ZNF644: variants seen among roughly 807,000 people sequenced by gnomAD.
The protein encoded by ZNF644 is zinc finger motif enhancer binding protein 2.
In ZNF644, 20 loss-of-function variants were observed where a neutral mutation model predicts 108.0. That is an observed-to-expected ratio of 0.19 (90% confidence interval 0.13 to 0.27). The LOEUF (loss-of-function observed/expected upper bound fraction) is 0.27. Ranked by LOEUF, ZNF644 falls within the 10% of genes least tolerant of loss-of-function variation. The probability of loss-of-function intolerance (pLI) is 1.00; values close to 1 mark genes in which losing one functional copy is unlikely to be tolerated. For synonymous variants in ZNF644, 542 were observed against 539.1 expected, an observed-to-expected ratio of 1.01 and a Z score of -0.08; for missense variants, 1,338 against 1,548.9, an observed-to-expected ratio of 0.86 and a Z score of 2.29.
chr1:90,966,431 C>T (rs1253632996), intron 2 of ZNF644, among the ~76,000 whole-genome samples: 1 of 151,960 alleles, frequency 6.6e-6, no homozygotes, highest in East Asian at 1.9e-4. Flanking sequence ...CATTTTGAGC[C>T]ATAGGTTAAG....
intron 2 of ZNF644, chr1:90,973,321 T>C (rs1447826561): frequency 1.3e-5 from 2 of 152,160 alleles, no homozygotes; most frequent in Non-Finnish European, 1.5e-5. Flanking sequence ...GTATTTCTTA[T>C]GTTATTTCAC....
chr1:90,937,872 TACG>T lies in ZNF644; in HGVS notation c.3298_3300del (p.Arg1100del). 2 of 1,613,910 alleles carry T rather than the reference TACG, an allele frequency of 1.2e-6. No homozygotes were observed. The highest frequency in any genetic ancestry group is 1.7e-6 in the Non-Finnish European group (2 of 1,179,880). ...TGAGCTACAAATGGTCTGGGAATAA[TACG>T]ACGACTGTTCAATGCCTTTAAGATT... On this transcript the variant is annotated inframe_deletion, in exon 4 of 6. Transcript: ENST00000337393.
At chr1:91,006,349 C>A (rs1302742697) in intron 1 of ZNF644, among the ~76,000 whole-genome samples, 1 of 152,154 alleles carries the variant, frequency 6.6e-6, no homozygotes, top group Non-Finnish European at 1.5e-5. Flanking sequence ...TTCCAGGCTG[C>A]AGTGAGCCAA....
intron 4 of ZNF644, among the ~76,000 whole-genome samples, chr1:90,926,463 C>T (rs1339461616): frequency 1.3e-5 from 2 of 152,208 alleles, no homozygotes. Flanking sequence ...TCTGAGGATA[C>T]ACTTCCAAGC....
intron 1 of ZNF644, among the ~76,000 whole-genome samples, chr1:91,000,538 A>T (rs1299399790): frequency 6.6e-6 from 1 of 152,218 alleles, no homozygotes; most frequent in Admixed American, 6.5e-5. Flanking sequence ...CATTTAAAGC[A>T]GTGTGTAGAG....
Position 90,937,474 on chromosome 1 carries a change from C to A in ZNF644, c.3688+11G>T. 6.2e-7 allele frequency: 1 copy of A among 1,613,500 alleles called. No homozygotes were observed. The highest frequency in any genetic ancestry group is 8.5e-7 in the Non-Finnish European group (1 of 1,179,558). ...AAACTGTGTATAGCATAGTCATAAA[C>A]GTCCTCTTACCTGAGTGCATAGTCA... On this transcript the variant is annotated intron_variant, in intron 4 of 5. Transcript: ENST00000337393.
At chr1:91,020,835 G>C (rs913019328) in intron 1 of ZNF644, 2 of 152,108 alleles carry the variant, frequency 1.3e-5, no homozygotes, top group East Asian at 3.8e-4. Flanking sequence ...CAGGATAGTC[G>C]GCGGTGTTGT....
intron 2 of ZNF644, among the ~76,000 whole-genome samples, chr1:90,976,670 A>G (rs557622212): frequency 4.6e-5 from 7 of 152,292 alleles, no homozygotes; most frequent in African/African-American, 1.7e-4. Context: ...GCTCAACTTC[A>G]AAAGAGAACA....
At position 90,940,354 on chromosome 1, in the gene ZNF644, C is replaced by T. The variant is rs750965584; in HGVS notation, c.1000G>A (p.Ala334Thr). Residue 334 changes from alanine to threonine, a missense_variant, in exon 3 of 6, where the codon GCA becomes ACA. Around this residue, in one of 6 missense-constraint regions of ZNF644, gnomAD observed 464 missense variants for 457.9 expected, o/e 1.01. Transcript: ENST00000337393. ...AATGCATATTTCTGTGAGTCTACTG[C>T]TTGTAGCTCTTCATTTTGTTCTAGA... The part of the protein sequence containing the change: ...DFLEQNEELQ[A>T]VDSQKYALSK... The T allele has an allele frequency of 3.2e-5, 51 of 1,613,606 alleles. No individual in the cohort carries two copies. Among genetic ancestry groups the T allele is most frequent in the Middle Eastern group, 3.3e-4 (2 of 6,080 alleles).
rs530902205 is a variant in ZNF644 at position 90,927,348 on chromosome 1, G to GA, written c.3689-9195dup. Among the ~76,000 whole-genome samples the GA allele has an allele frequency of 1.5e-3, 224 of 152,236 alleles. 2 individuals are homozygous for GA. Among genetic ancestry groups the GA allele is most frequent in the African/African-American group, 5.1e-3 (213 of 41,538 alleles). ...TGAAAAAAGTGCTTGTTGAATTAGT[G>GA]AAAAAATCAGCCGATCATTTTTTTG... On this transcript the variant is annotated intron_variant, in intron 4 of 5. Coordinates refer to ENST00000337393, the MANE Select transcript of ZNF644 (RefSeq NM_201269.3).
At chr1:90,956,395 A>C (rs1653759536) in intron 2 of ZNF644, among the ~76,000 whole-genome samples, 1 of 152,236 alleles carries the variant, frequency 6.6e-6, no homozygotes, top group South Asian at 2.1e-4. Flanking sequence ...ACAATAAATC[A>C]ACACACAATA....
Position 90,938,938 on chromosome 1 carries a change from C to G in ZNF644, c.2416G>C (p.Val806Leu), listed in dbSNP as rs1378081305. 16 of 1,613,914 alleles carry G rather than the reference C, an allele frequency of 9.9e-6. No homozygotes were observed. The East Asian group carries it at 3.6e-4, about 36-fold the overall frequency. Reference sequence around the variant, plus strand: ...TCCTTAATTACTCTCTTTACAGCTACACGTCTGTGATCTTTGAAGCTTTCA... The same window carrying G: ...TCCTTAATTACTCTCTTTACAGCTAGACGTCTGTGATCTTTGAAGCTTTCA... ...RPESFKDHRRVAVKRVIKESK... is the reference protein window; with the variant it reads ...RPESFKDHRRLAVKRVIKESK... Residue 806 changes from valine (V) to leucine (L), a missense_variant, in exon 3 of 6, where the codon GTA (valine) becomes CTA (leucine). Physicochemically the swap from Val to Leu is conservative, Grantham distance 32. Transcript: ENST00000337393. This position sits in a 1 kb window ranked among gnomAD's most constrained non-coding sequence, Gnocchi z 4.2.
chr1:90,955,363 G>C lies in ZNF644; in HGVS notation c.45-14054C>G, dbSNP rs562144554. Among the ~76,000 whole-genome samples, 12 of 152,266 alleles carry C rather than the reference G, an allele frequency of 7.9e-5. No homozygotes were observed. The South Asian group carries it at 2.5e-3, about 32-fold the overall frequency. ...ACAAGAGGGTCCGCCTGTCTCTCAG[G>C]CTTCAGTTTTGAAGCCAGGCATTTA... On this transcript the variant is annotated intron_variant, in intron 2 of 5. Coordinates refer to ENST00000337393, the MANE Select transcript of ZNF644 (RefSeq NM_201269.3).
rs1053900370 is a variant in ZNF644 at position 90,943,481 on chromosome 1, T to A, written c.45-2172A>T. On this transcript the variant is annotated intron_variant, in intron 2 of 5. Transcript: ENST00000337393. Reference sequence around the variant, plus strand: ...ATAAAATAATAAAATTGTTCTTATATTTTTCTTATTTTATAACTTAGAACA... The same window carrying A: ...ATAAAATAATAAAATTGTTCTTATAATTTTCTTATTTTATAACTTAGAACA... Among the ~76,000 whole-genome samples the A allele has an allele frequency of 3.9e-5, 6 of 152,268 alleles. No homozygotes were observed. In the East Asian group the frequency reaches 1.2e-3, roughly 29 times the overall value.
At chr1:90,959,784 T>C (rs939213597) in intron 2 of ZNF644, among the ~76,000 whole-genome samples, 2 of 152,308 alleles carry the variant, frequency 1.3e-5, no homozygotes, top group East Asian at 3.9e-4. Context: ...CTTTAGAAAC[T>C]AGAGAGCTAG....
intron 1 of ZNF644, among the ~76,000 whole-genome samples, chr1:90,999,553 G>A (rs945232532): frequency 1.4e-4 from 22 of 152,150 alleles, no homozygotes; most frequent in Non-Finnish European, 2.9e-4. Context: ...AACATGGAAA[G>A]GAACATCCGG....
At chr1:91,015,180 C>G (rs940430776) in intron 1 of ZNF644, among the ~76,000 whole-genome samples, 6 of 152,116 alleles carry the variant, frequency 3.9e-5, no homozygotes, top group Non-Finnish European at 7.4e-5. Context: ...TACTAGCTGT[C>G]TTTGACAAAT....
rs1464869811 is a variant in ZNF644 at position 90,984,552 on chromosome 1, TA to T, written c.-17-2183del. ...ATAGGCACACACCACCATGCCTGGC[TA>T]ATTTTTTATTTTTATTTTTAGTAGA... On this transcript the variant is annotated intron_variant, in intron 1 of 5. Coordinates refer to ENST00000337393, the MANE Select transcript of ZNF644 (RefSeq NM_201269.3). 5.3e-5 allele frequency among the ~76,000 whole-genome samples: 8 copies of T among 152,080 alleles called. No individual in the cohort carries two copies. In the East Asian group the frequency reaches 1.5e-3, roughly 29 times the overall value.
intron 1 of ZNF644, among the ~76,000 whole-genome samples, chr1:91,000,581 A>T (rs1658664892): frequency 6.6e-6 from 1 of 152,212 alleles, no homozygotes; most frequent in Non-Finnish European, 1.5e-5. Flanking sequence ...CCACAAGAGG[A>T]AGCAGGAAAG....
Sources: allele counts gnomAD v4.1 joint callset (sites outside exome capture counted in the v4.1 genomes callset), GRCh38; gene constraint gnomAD v4.1.1; regional missense constraint gnomAD v4.1.1; non-coding constraint Gnocchi (gnomAD v3.1); transcripts MANE v1.5; gene names NCBI Gene and HGNC (gene_info 2026-07-23, HGNC 2026-07-21).